The following GAREM1 variants were observed in gnomAD, a reference collection of about 807,000 sequenced individuals.
GAREM1 encodes GRB2 associated regulator of MAPK1 subtype 1, also known as GRB2-associated and regulator of MAPK protein 1.
Under a neutral mutation model 71.3 loss-of-function variants are expected in GAREM1, and 26 were observed. The ratio of observed to expected loss-of-function variants is 0.36; its 90% CI spans 0.27 to 0.51. The LOEUF (loss-of-function observed/expected upper bound fraction) is 0.51, where lower values mean the gene tolerates loss of function less well. GAREM1 is among the 20% of genes least tolerant of loss of function. GAREM1 has a pLI of 0.95. For missense variants in GAREM1, 1,026 were observed against 1,103.1 expected, an observed-to-expected ratio of 0.93 and a Z score of 0.99; for synonymous variants, 440 against 433.2, an observed-to-expected ratio of 1.02 and a Z score of -0.20.
At chr18:32,320,473 T>C (rs995013835) in intron 2 of GAREM1, among the ~76,000 whole-genome samples, 1 of 151,962 alleles carries the variant, frequency 6.6e-6, no homozygotes. Context: ...GAAGTGGAAG[T>C]GGAGTTGGGG....
intron 1 of GAREM1, among the ~76,000 whole-genome samples, chr18:32,442,975 GA>G (rs931925354): frequency 5.3e-5 from 8 of 152,156 alleles, no homozygotes; most frequent in African/African-American, 1.9e-4. Context: ...TCAGTAAGTG[GA>G]TTCCACCAAA....
intron 2 of GAREM1, among the ~76,000 whole-genome samples, chr18:32,313,635 C>G (rs1284610524): frequency 6.6e-6 from 1 of 152,112 alleles, no homozygotes; most frequent in Admixed American, 6.6e-5. Flanking sequence ...TGGTAGGTAA[C>G]TGACAACGAT....
intron 1 of GAREM1, among the ~76,000 whole-genome samples, chr18:32,400,054 C>G (rs1215177031): frequency 2.0e-5 from 3 of 152,078 alleles, no homozygotes; most frequent in African/African-American, 4.8e-5. Flanking sequence ...ACAAACCTAA[C>G]AAAAACAAGC....
intron 1 of GAREM1, among the ~76,000 whole-genome samples, chr18:32,425,618 A>G (rs1174196001): frequency 6.6e-6 from 1 of 152,212 alleles, no homozygotes; most frequent in Non-Finnish European, 1.5e-5. Context: ...TTTGAGGCTG[A>G]GTGCTAATAT....
At chr18:32,434,768 T>C (rs1240577669) in intron 1 of GAREM1, among the ~76,000 whole-genome samples, 1 of 152,098 alleles carries the variant, frequency 6.6e-6, no homozygotes. Flanking sequence ...ATAATACCGC[T>C]ACAGTTAAGA....
chr18:32,362,370 A>G (rs1180396861), intron 2 of GAREM1, among the ~76,000 whole-genome samples: 1 of 152,218 alleles, frequency 6.6e-6, no homozygotes, highest in Non-Finnish European at 1.5e-5. Context: ...TTAATGATCT[A>G]ATTCCTACTG....
chr18:32,403,093 T>C (rs1291976277), intron 1 of GAREM1, among the ~76,000 whole-genome samples: 1 of 152,016 alleles, frequency 6.6e-6, no homozygotes, highest in Non-Finnish European at 1.5e-5. Context: ...AATTTTTGTA[T>C]TTTTAGGTTT....
chr18:32,429,100 G>A (rs1461259686), intron 1 of GAREM1, among the ~76,000 whole-genome samples: 1 of 152,096 alleles, frequency 6.6e-6, no homozygotes, highest in Non-Finnish European at 1.5e-5. Flanking sequence ...GGGGGAACGG[G>A]CAAGGTAAGT....
intron 1 of GAREM1, among the ~76,000 whole-genome samples, chr18:32,424,762 T>C (rs912567626): frequency 1.3e-5 from 2 of 152,232 alleles, no homozygotes; most frequent in African/African-American, 4.8e-5. Flanking sequence ...ATAGAACTTG[T>C]AAACATCAGA....
At chr18:32,427,108 A>G (rs1599039800) in intron 1 of GAREM1, among the ~76,000 whole-genome samples, 1 of 152,128 alleles carries the variant, frequency 6.6e-6, no homozygotes, top group South Asian at 2.1e-4. Context: ...CCAACTTCCC[A>G]TGGTAGTTTC....
chr18:32,290,199 C>T (rs1478960448), intron 3 of GAREM1: 1 of 151,934 alleles, frequency 6.6e-6, no homozygotes, highest in Non-Finnish European at 1.5e-5. Context: ...GGCCATTTAT[C>T]TTAGCGACCT....
chr18:32,302,881 CCCA>C (rs747725520), intron 3 of GAREM1, among the ~76,000 whole-genome samples: 2 of 152,206 alleles, frequency 1.3e-5, no homozygotes, highest in Admixed American at 6.5e-5. Context: ...AATCCTTCTC[CCCA>C]CATTACAGTG....
In GAREM1 at chr18:32,268,531, C is replaced by A; in HGVS notation, c.1971G>T (p.Thr657=). 6.2e-7 allele frequency: 1 copy of A among 1,614,092 alleles called. No homozygotes were observed. Among genetic ancestry groups the A allele is most frequent in the Non-Finnish European group, 8.5e-7 (1 of 1,180,016 alleles). The change falls in exon 6 of 6, where the codon ACG becomes ACT. Residue 657 remains threonine (T), a synonymous_variant. Transcript: ENST00000269209. ...GGCAGTTTCTCTTTGGTGTGCCTGG[C>A]GTCTTTTGTCTAGGGTAACTATAAC... ...SRSYSYPRQK[T]PGTPKRNCPA... is the part of the protein sequence containing the mutation.
chr18:32,350,252 A>G (rs2047734943), intron 2 of GAREM1, among the ~76,000 whole-genome samples: 2 of 152,194 alleles, frequency 1.3e-5, no homozygotes, highest in Admixed American at 1.3e-4. Flanking sequence ...ATGTTTTTAA[A>G]AGTCTATTTA....
intron 2 of GAREM1, among the ~76,000 whole-genome samples, chr18:32,353,223 T>C (rs1173897586): frequency 6.6e-6 from 1 of 152,170 alleles, no homozygotes; most frequent in African/African-American, 2.4e-5. Context: ...GATAACAAAG[T>C]CAGAAACATA....
At chr18:32,313,361 A>C (rs1463600510) in intron 2 of GAREM1, among the ~76,000 whole-genome samples, 1 of 152,236 alleles carries the variant, frequency 6.6e-6, no homozygotes, top group Non-Finnish European at 1.5e-5. Context: ...GAGTGAGCTC[A>C]AAAGCCATGC....
chr18:32,468,205 G>A (rs1475457823), intron 1 of GAREM1, among the ~76,000 whole-genome samples: 2 of 152,172 alleles, frequency 1.3e-5, no homozygotes, highest in East Asian at 1.9e-4. Context: ...ACTCCCAGAT[G>A]TATGTACAAC....
chr18:32,397,486 A>T (rs1347377358), intron 1 of GAREM1, among the ~76,000 whole-genome samples: 2 of 152,222 alleles, frequency 1.3e-5, no homozygotes, highest in African/African-American at 4.8e-5. Flanking sequence ...AAACAAAAAA[A>T]GGCAGGGGTT....
At chr18:32,363,226 T>A (rs538103109) in intron 2 of GAREM1, among the ~76,000 whole-genome samples, 144 of 151,196 alleles carry the variant, frequency 9.5e-4, no homozygotes, top group Admixed American at 3.8e-3. Flanking sequence ...AAAAAAAAAA[T>A]CTTACTTAAG....
Sources: gnomAD v4.1 joint callset for allele counts (sites outside exome capture counted in the v4.1 genomes callset) on GRCh38, gnomAD v4.1.1 for gene constraint, MANE v1.5 for transcripts, NCBI Gene and HGNC (gene_info 2026-07-23, HGNC 2026-07-21) for gene names.